The following SLC24A2 variants were observed in gnomAD, a reference collection of about 807,000 sequenced individuals.
SLC24A2 encodes the protein solute carrier family 24 member 2.
SLC24A2 carries 36 observed loss-of-function variants against 62.0 expected under a neutral mutation model. The observed-to-expected ratio is 0.58, with a 90% confidence interval of 0.44 to 0.77. The LOEUF is 0.77. Among genes scored for constraint, SLC24A2 ranks in the 30% least tolerant of loss-of-function variants. The pLI is 0.00. For missense variants in SLC24A2, 846 were observed against 817.9 expected, an observed-to-expected ratio of 1.03 and a Z score of -0.42; for synonymous variants, 358 against 294.0, an observed-to-expected ratio of 1.22 and a Z score of -2.23.
chr9:19,714,479 G>A (rs1820801979), intron 2 of SLC24A2, among the ~76,000 whole-genome samples: 1 of 152,142 alleles, frequency 6.6e-6, no homozygotes, highest in Non-Finnish European at 1.5e-5. Context: ...CTTTACTTCT[G>A]TTTCTAGAGT....
chr9:20,276,298 A>T, the SLC24A2 span, among the ~76,000 whole-genome samples: 1 of 152,236 alleles, frequency 6.6e-6, no homozygotes, highest in African/African-American at 2.4e-5. Flanking sequence ...AATTGGCCAA[A>T]ACAAAGGGGC....
the SLC24A2 span, among the ~76,000 whole-genome samples, chr9:20,033,105 C>A: frequency 6.6e-6 from 1 of 152,252 alleles, no homozygotes; most frequent in East Asian, 1.9e-4. Flanking sequence ...TAGAAATCTG[C>A]ATCTTAAATA....
chr9:20,159,411 C>T, the SLC24A2 span, among the ~76,000 whole-genome samples: 1 of 151,478 alleles, frequency 6.6e-6, no homozygotes, highest in African/African-American at 2.4e-5. Context: ...TTTTTTTACC[C>T]TTGGCCCCAG....
At chr9:19,767,290 C>G (rs926777198) in intron 2 of SLC24A2, among the ~76,000 whole-genome samples, 10 of 152,164 alleles carry the variant, frequency 6.6e-5, no homozygotes. Context: ...GCCCCCTTTT[C>G]AGGGGCATGA....
intron 2 of SLC24A2, among the ~76,000 whole-genome samples, chr9:19,678,854 G>A (rs1390537169): frequency 6.6e-6 from 1 of 152,076 alleles, no homozygotes; most frequent in Non-Finnish European, 1.5e-5. Context: ...ATGCTAGGTG[G>A]GATAAAAAAA....
rs141618464 is a variant in SLC24A2 at position 19,531,148 on chromosome 9, C to T, written c.1480-3010G>A. On this transcript the variant is annotated intron_variant, in intron 8 of 10. Transcript: ENST00000341998. ...GTTGTTCCTGCTTTGGAAGTATCAACGTTTCATTCATCAGCAGTTGGGCTA... is the reference window on the plus strand; with the variant it reads ...GTTGTTCCTGCTTTGGAAGTATCAATGTTTCATTCATCAGCAGTTGGGCTA... Among the ~76,000 whole-genome samples the T allele has an allele frequency of 5.9e-3, 904 of 152,310 alleles. 15 individuals are homozygous for T. Among genetic ancestry groups the T allele is most frequent in the African/African-American group, 0.021 (875 of 41,574 alleles).
At chr9:19,907,320 C>T in the SLC24A2 span, among the ~76,000 whole-genome samples, 11 of 152,114 alleles carry the variant, frequency 7.2e-5, no homozygotes, top group African/African-American at 1.2e-4. Flanking sequence ...GTTGATGGGA[C>T]GTATCTCAAA....
At chr9:19,592,362 A>T (rs1836578100) in intron 5 of SLC24A2, among the ~76,000 whole-genome samples, 1 of 152,182 alleles carries the variant, frequency 6.6e-6, no homozygotes, top group African/African-American at 2.4e-5. Flanking sequence ...TAGTGGTGAA[A>T]TTATTTTTCT....
the SLC24A2 span, among the ~76,000 whole-genome samples, chr9:20,051,579 A>T: frequency 6.6e-6 from 1 of 151,154 alleles, no homozygotes; most frequent in Non-Finnish European, 1.5e-5. Flanking sequence ...ACTAAAAATT[A>T]CCACATAGTG....
At chr9:20,264,113 T>C in the SLC24A2 span, among the ~76,000 whole-genome samples, 7 of 152,000 alleles carry the variant, frequency 4.6e-5, no homozygotes, top group South Asian at 2.1e-4. Flanking sequence ...ACACAAAGCA[T>C]TGCATGAGTC....
the SLC24A2 span, among the ~76,000 whole-genome samples, chr9:20,201,539 G>A: frequency 6.6e-6 from 1 of 152,328 alleles, no homozygotes. Context: ...AGGAAGAAAA[G>A]AGAGCTGTCA....
In SLC24A2 at chr9:19,691,503, C is replaced by G. The variant is rs1820045351; in HGVS notation, c.931-69204G>C. 1.3e-5 allele frequency among the ~76,000 whole-genome samples: 2 copies of G among 152,144 alleles called. 1 individual carries two copies. The highest frequency in any genetic ancestry group is 4.1e-4 in the South Asian group (2 of 4,826). ...TCATTTGCCCTCAGTCATCCATGCACTACCATCATGGTTTTGCCATAGCTG... is the reference window on the plus strand; with the variant it reads ...TCATTTGCCCTCAGTCATCCATGCAGTACCATCATGGTTTTGCCATAGCTG... On this transcript the variant is annotated intron_variant, in intron 2 of 10. Transcript: ENST00000341998.
chr9:19,524,044 A>G (rs776088424), intron 9 of SLC24A2, among the ~76,000 whole-genome samples: 18 of 151,350 alleles, frequency 1.2e-4, no homozygotes, highest in East Asian at 2.0e-4. Flanking sequence ...CATGGACGGG[A>G]CAGTACTCTG....
chr9:19,766,062 T>C (rs1389806171), intron 2 of SLC24A2, among the ~76,000 whole-genome samples: 1 of 152,232 alleles, frequency 6.6e-6, no homozygotes, highest in African/African-American at 2.4e-5. Context: ...CAATCTCTGA[T>C]ATCCTTTCTT....
intron 2 of SLC24A2, among the ~76,000 whole-genome samples, chr9:19,714,626 TA>T (rs200169311): frequency 3.3e-5 from 5 of 152,126 alleles, no homozygotes; most frequent in South Asian, 2.1e-4. Flanking sequence ...ATTTGAGTAT[TA>T]AAAAATTTTT....
chr9:19,550,302 A>C (rs774306854), intron 7 of SLC24A2, 34 bp from the exon 8 acceptor site: 1 of 1,607,818 alleles, frequency 6.2e-7, no homozygotes, highest in Non-Finnish European at 8.5e-7. Flanking sequence ...TTAAACAAAC[A>C]AAAAAATAAA....
the SLC24A2 span, among the ~76,000 whole-genome samples, chr9:19,837,302 A>G: frequency 6.6e-6 from 1 of 150,832 alleles, no homozygotes; most frequent in Non-Finnish European, 1.5e-5. Context: ...AATACAAAAA[A>G]TTAGCCGGGT....
the SLC24A2 span, among the ~76,000 whole-genome samples, chr9:20,122,455 C>T: frequency 4.7e-3 from 709 of 152,132 alleles, 3 homozygotes; most frequent in Middle Eastern, 0.01. Context: ...GGGAGGCTGA[C>T]GTGGGCAGAT....
chr9:20,126,595 T>C, the SLC24A2 span, among the ~76,000 whole-genome samples: 1 of 152,200 alleles, frequency 6.6e-6, no homozygotes, highest in African/African-American at 2.4e-5. Context: ...TTTTCTTTCA[T>C]CCTTACCCCA....
Sources: allele counts gnomAD v4.1 joint callset (sites outside exome capture counted in the v4.1 genomes callset), GRCh38; gene constraint gnomAD v4.1.1; transcripts MANE v1.5; gene names NCBI Gene and HGNC (gene_info 2026-07-23, HGNC 2026-07-21).